CLYBL: variants seen among roughly 807,000 people sequenced by gnomAD.
The protein encoded by CLYBL is citramalyl-CoA lyase, mitochondrial.
In CLYBL, 31 loss-of-function variants were observed where a neutral mutation model predicts 38.9. The observed-to-expected ratio is 0.80, with a 90% CI of 0.60 to 1.08. The LOEUF (loss-of-function observed/expected upper bound fraction) is 1.08. Ranked by LOEUF, CLYBL falls within the 50% of genes least tolerant of loss-of-function variation. CLYBL has a pLI of 0.00. For missense variants in CLYBL, 434 were observed against 411.6 expected (o/e 1.05, Z -0.47); for synonymous variants, 171 against 158.6 (o/e 1.08, Z -0.59).
At chr13:99,687,383 C>A (rs572502646) in intron 1 of CLYBL, among the ~76,000 whole-genome samples, 29 of 152,298 alleles carry the variant, frequency 1.9e-4, no homozygotes, top group Non-Finnish European at 3.2e-4. Context: ...GCCTTTGGCA[C>A]ACACACAGGT....
intron 1 of CLYBL, among the ~76,000 whole-genome samples, chr13:99,707,115 T>C (rs2048158390): frequency 6.6e-6 from 1 of 152,168 alleles, no homozygotes; most frequent in Non-Finnish European, 1.5e-5. Context: ...TTTCACAGAG[T>C]GATTTCATCT....
At position 99,754,902 on chromosome 13, in the gene CLYBL, C is replaced by CT. The variant is rs371004687; in HGVS notation, c.63-17909dup. ...CCACCCCACCCAGCCTAGATGATCT[C>CT]TTTTTTTTTTTTTGAGACGGAGTCT... On this transcript the variant is annotated intron_variant, in intron 1 of 8. Transcript: ENST00000339105. Among the ~76,000 whole-genome samples, 491 of 135,900 alleles carry CT rather than the reference C, an allele frequency of 3.6e-3. 4 individuals are homozygous for CT. Among genetic ancestry groups the CT allele is most frequent in the Non-Finnish European group, 3.6e-3 (227 of 63,528 alleles). 89.2% of individuals were successfully genotyped at this position (135,900 alleles called of 152,430 possible).
chr13:99,635,824 A>G (rs1187143082), intron 1 of CLYBL, among the ~76,000 whole-genome samples: 1 of 152,208 alleles, frequency 6.6e-6, no homozygotes, highest in East Asian at 1.9e-4. Context: ...CAGTTTCCTC[A>G]TCTTTATGGT....
intron 1 of CLYBL, among the ~76,000 whole-genome samples, chr13:99,747,687 AACT>A (rs915189229): frequency 2.0e-5 from 3 of 152,206 alleles, no homozygotes; most frequent in Non-Finnish European, 4.4e-5. Flanking sequence ...CTGCCTGGAC[AACT>A]AGGGCTGTGT....
At chr13:99,723,405 A>G (rs1483178781) in intron 1 of CLYBL, among the ~76,000 whole-genome samples, 1 of 152,240 alleles carries the variant, frequency 6.6e-6, no homozygotes, top group African/African-American at 2.4e-5. Context: ...GTAGCATTAA[A>G]TTATGAGCTT....
intron 1 of CLYBL, among the ~76,000 whole-genome samples, chr13:99,628,928 A>C (rs9585152): frequency 0.019 from 2,824 of 152,276 alleles, 85 homozygotes; most frequent in African/African-American, 0.064. Flanking sequence ...ATAAAATTGT[A>C]AATGTTTGTG....
intron 6 of CLYBL, among the ~76,000 whole-genome samples, chr13:99,867,867 G>GT (rs1401525021): frequency 2.6e-5 from 4 of 152,158 alleles, no homozygotes; most frequent in African/African-American, 9.7e-5. Flanking sequence ...CAGAATCTGA[G>GT]TTTCCTCTGC....
intron 1 of CLYBL, among the ~76,000 whole-genome samples, chr13:99,616,037 G>A (rs1236189362): frequency 6.6e-6 from 1 of 151,766 alleles, no homozygotes; most frequent in African/African-American, 2.4e-5. Context: ...AGTAGAGATG[G>A]GGTTTCACCA....
chr13:99,633,210 CAAAAAAAAAA>C lies in CLYBL; in HGVS notation c.62+26469_62+26478del, dbSNP rs59801603. ...TGGGCAACAGAGCAAGATCCTGTCT[CAAAAAAAAAA>C]AAAAAAAAAAAAAAAGAGAAGAGAA... On this transcript the variant is annotated intron_variant, in intron 1 of 8. Coordinates refer to ENST00000339105, the MANE Select transcript of CLYBL (RefSeq NM_206808.5). Among the ~76,000 whole-genome samples, 335 of 62,748 alleles carry C rather than the reference CAAAAAAAAAA, an allele frequency of 5.3e-3. 4 individuals are homozygous for C. Among genetic ancestry groups the C allele is most frequent in the African/African-American group, 0.019 (323 of 16,702 alleles). 41.2% of individuals were successfully genotyped at this position (62,748 alleles called of 152,430 possible).
intron 2 of CLYBL, among the ~76,000 whole-genome samples, chr13:99,823,461 A>G (rs1481766567): frequency 1.3e-5 from 2 of 152,262 alleles, no homozygotes; most frequent in Admixed American, 1.3e-4. Flanking sequence ...CCTGTGTTCC[A>G]CCAATTCATC....
Position 99,887,980 on chromosome 13 carries a change from C to T in CLYBL, c.928-3338C>T, listed in dbSNP as rs557275711. On this transcript the variant is annotated intron_variant, in intron 7 of 8. Coordinates refer to ENST00000339105, the MANE Select transcript of CLYBL (RefSeq NM_206808.5). The stretch of plus-strand genomic sequence containing the variant: ...AAGCAATTCTCGTGCCTCAACCTCC[C>T]GTGTAGCTGGGATTACAGGCACCCA... 8.0e-4 allele frequency among the ~76,000 whole-genome samples: 121 copies of T among 152,190 alleles called. No homozygotes were observed. The South Asian group carries it at 0.024, about 31-fold the overall frequency.
At chr13:99,779,716 G>A (rs1051501829) in intron 2 of CLYBL, among the ~76,000 whole-genome samples, 1 of 152,164 alleles carries the variant, frequency 6.6e-6, no homozygotes, top group Non-Finnish European at 1.5e-5. Context: ...GACTGAGACT[G>A]GGCCACAAAC....
At chr13:99,820,533 T>A (rs2050568786) in intron 2 of CLYBL, among the ~76,000 whole-genome samples, 1 of 150,876 alleles carries the variant, frequency 6.6e-6, no homozygotes, top group South Asian at 2.1e-4. Flanking sequence ...GAGACAGTTT[T>A]GTTTTCTCCT....
chr13:99,755,975 G>A (rs1253197200), intron 1 of CLYBL, among the ~76,000 whole-genome samples: 1 of 152,166 alleles, frequency 6.6e-6, no homozygotes, highest in African/African-American at 2.4e-5. Flanking sequence ...AGAATTCTAT[G>A]TTCAGACCCT....
At chr13:99,696,114 A>C (rs969083588) in intron 1 of CLYBL, among the ~76,000 whole-genome samples, 1 of 152,300 alleles carries the variant, frequency 6.6e-6, no homozygotes, top group Non-Finnish European at 1.5e-5. Flanking sequence ...TTCCATGTAG[A>C]ATAGCAAGCT....
intron 1 of CLYBL, among the ~76,000 whole-genome samples, chr13:99,641,355 A>C (rs2047090617): frequency 6.6e-6 from 1 of 152,238 alleles, no homozygotes; most frequent in South Asian, 2.1e-4. Flanking sequence ...TATACCAAAA[A>C]AATCACTTTA....
At chr13:99,768,108 T>C (rs1365495802) in intron 1 of CLYBL, among the ~76,000 whole-genome samples, 1 of 152,124 alleles carries the variant, frequency 6.6e-6, no homozygotes, top group Admixed American at 6.6e-5. Context: ...TGTTTACTTA[T>C]TTGATGGTTG....
intron 1 of CLYBL, among the ~76,000 whole-genome samples, chr13:99,729,337 C>G (rs61748971): frequency 0.053 from 8,029 of 152,188 alleles, 379 homozygotes; most frequent in African/African-American, 0.12. Flanking sequence ...TTCAGCAGCC[C>G]TTTAGATTGG....
rs1247838786 is a variant in CLYBL at position 99,638,033 on chromosome 13, G to A, written c.62+31276G>A. Among the ~76,000 whole-genome samples the A allele has an allele frequency of 4.4e-5, 6 of 135,556 alleles. No individual in the cohort carries two copies. The Admixed American group carries it at 5.1e-4, about 11-fold the overall frequency. The allele number at this position is 135,556 out of a possible 152,430, so 88.9% of individuals were successfully genotyped here. ...GGCTGGAGTGCAATGGCACAATCGC[G>A]GTTCACTGCATTCTCGACCACCCAG... On this transcript the variant is annotated intron_variant, in intron 1 of 8. Transcript: ENST00000339105.
Sources: gnomAD v4.1 joint callset for allele counts (sites outside exome capture counted in the v4.1 genomes callset) on GRCh38, gnomAD v4.1.1 for gene constraint, MANE v1.5 for transcripts, NCBI Gene and HGNC (gene_info 2026-07-23, HGNC 2026-07-21) for gene names.